The following EYA4 variants were observed in gnomAD, a reference collection of about 807,000 sequenced individuals.
The protein encoded by EYA4 is EYA transcriptional coactivator and phosphatase 4.
In EYA4, 31 loss-of-function variants were observed where a neutral mutation model predicts 87.9. The observed-to-expected ratio is 0.35, with a 90% CI of 0.27 to 0.48. The LOEUF (loss-of-function observed/expected upper bound fraction) is 0.48. EYA4 is among the 20% of genes least tolerant of loss of function. The pLI is 0.99. For missense variants in EYA4, 678 were observed against 761.4 expected, an observed-to-expected ratio of 0.89 and a Z score of 1.29; for synonymous variants, 263 against 270.6, an observed-to-expected ratio of 0.97 and a Z score of 0.28.
At chr6:133,400,166 T>C (rs557409522) in intron 3 of EYA4, among the ~76,000 whole-genome samples, 1 of 152,344 alleles carries the variant, frequency 6.6e-6, no homozygotes, top group East Asian at 1.9e-4. Flanking sequence ...ACATATTATG[T>C]GCAAAACAAC....
At chr6:133,395,676 G>T (rs187002862) in intron 3 of EYA4, among the ~76,000 whole-genome samples, 1 of 152,326 alleles carries the variant, frequency 6.6e-6, no homozygotes, top group South Asian at 2.1e-4. Context: ...CAGAAGAATC[G>T]CTTGAACCCG....
intron 2 of EYA4, among the ~76,000 whole-genome samples, chr6:133,380,875 C>T (rs376378713): frequency 2.0e-5 from 3 of 146,498 alleles, no homozygotes; most frequent in Admixed American, 6.8e-5. Context: ...CCTCCTCCTC[C>T]TCTTCTTCTT....
chr6:133,285,609 A>G (rs372467003), intron 2 of EYA4, among the ~76,000 whole-genome samples: 1 of 152,152 alleles, frequency 6.6e-6, no homozygotes, highest in Admixed American at 6.5e-5. Context: ...GAGCTTAGGT[A>G]TTGTGTGATG....
intron 2 of EYA4, among the ~76,000 whole-genome samples, chr6:133,321,760 T>A (rs1781107092): frequency 6.6e-6 from 1 of 152,188 alleles, no homozygotes; most frequent in South Asian, 2.1e-4. Flanking sequence ...CACAGCATCT[T>A]TTCACATTAG....
At chr6:133,486,047 T>A (rs1413837968) in intron 13 of EYA4, among the ~76,000 whole-genome samples, 1 of 152,238 alleles carries the variant, frequency 6.6e-6, no homozygotes, top group African/African-American at 2.4e-5. Context: ...AAAATGGGAA[T>A]AACACCATCT....
chr6:133,260,623 T>C (rs1158567892), intron 1 of EYA4, among the ~76,000 whole-genome samples: 1 of 152,240 alleles, frequency 6.6e-6, no homozygotes, highest in African/African-American at 2.4e-5. Flanking sequence ...AGTCTAGGGA[T>C]TTCAAACCTC....
Position 133,259,964 on chromosome 6 carries a change from A to G in EYA4, c.-65-14752A>G, listed in dbSNP as rs138271386. 2.7e-3 allele frequency among the ~76,000 whole-genome samples: 413 copies of G among 152,274 alleles called. 2 individuals carry two copies. The highest frequency in any genetic ancestry group is 9.5e-3 in the African/African-American group (396 of 41,556). On this transcript the variant is annotated intron_variant, in intron 1 of 19. Transcript: ENST00000355286. ...AGATTTACCTTGTAGTTCATAAATT[A>G]TTTCTTTAGATGTATCTAATTTGCT...
Position 133,531,164 on chromosome 6 carries a change from C to T in EYA4, c.*2359C>T, listed in dbSNP as rs547907467. Reference sequence around the variant, plus strand: ...GAGAAGCCGGCTGGTTGCATCACCCCGTGCAGTTTCTCACACACATCTCTT... The same window carrying T: ...GAGAAGCCGGCTGGTTGCATCACCCTGTGCAGTTTCTCACACACATCTCTT... On this transcript the variant is annotated 3_prime_UTR_variant, in exon 20 of 20. Coordinates refer to ENST00000355286, the MANE Select transcript of EYA4 (RefSeq NM_004100.5). 1.6e-4 allele frequency: 239 copies of T among 1,534,212 alleles called. 2 individuals are homozygous for T. The South Asian group carries it at 2.3e-3, about 15-fold the overall frequency.
intron 3 of EYA4, among the ~76,000 whole-genome samples, chr6:133,442,823 A>G (rs1264767887): frequency 1.3e-5 from 2 of 152,018 alleles, no homozygotes; most frequent in Admixed American, 6.5e-5. Flanking sequence ...CAGAGGAAAA[A>G]TACTTCTTTT....
intron 3 of EYA4, among the ~76,000 whole-genome samples, chr6:133,407,196 C>T (rs1247596228): frequency 2.0e-5 from 3 of 150,306 alleles, no homozygotes; most frequent in East Asian, 1.9e-4. Flanking sequence ...AGTTTATCAA[C>T]CACTTGTTAT....
chr6:133,312,907 T>C (rs1780341826), intron 2 of EYA4, among the ~76,000 whole-genome samples: 1 of 152,192 alleles, frequency 6.6e-6, no homozygotes, highest in Non-Finnish European at 1.5e-5. Context: ...TCCATTTCCC[T>C]GTAGCACTGA....
chr6:133,501,052 G>A (rs1166553740), intron 13 of EYA4, among the ~76,000 whole-genome samples: 1 of 151,940 alleles, frequency 6.6e-6, no homozygotes, highest in African/African-American at 2.4e-5. Context: ...CTCACACACA[G>A]ACTCCTCACC....
At chr6:133,517,163 A>T (rs1474533457) in intron 17 of EYA4, among the ~76,000 whole-genome samples, 2 of 152,260 alleles carry the variant, frequency 1.3e-5, no homozygotes, top group South Asian at 2.1e-4. Context: ...TACAAGTGAG[A>T]GCTAAATGAT....
chr6:133,363,822 A>G (rs929426822), intron 2 of EYA4, among the ~76,000 whole-genome samples: 1 of 152,192 alleles, frequency 6.6e-6, no homozygotes, highest in Non-Finnish European at 1.5e-5. Flanking sequence ...GGGTCCAGTC[A>G]TACTCATTGA....
intron 5 of EYA4, among the ~76,000 whole-genome samples, chr6:133,452,551 T>C (rs1421029946): frequency 6.6e-6 from 1 of 152,100 alleles, no homozygotes; most frequent in African/African-American, 2.4e-5. Context: ...TGTATGGCAG[T>C]AGGGATGAAG....
chr6:133,404,450 T>C (rs1417043254), intron 3 of EYA4, among the ~76,000 whole-genome samples: 1 of 152,214 alleles, frequency 6.6e-6, no homozygotes, highest in Non-Finnish European at 1.5e-5. Context: ...GACAAGTAGC[T>C]ACTCCTAGTT....
intron 10 of EYA4, 41 bp downstream of exon 10, chr6:133,464,899 C>T: frequency 7.2e-7 from 1 of 1,393,302 alleles, no homozygotes. Context: ...ATATGTATTT[C>T]AGATTTTTGA....
chr6:133,335,766 G>A (rs186646721), intron 2 of EYA4, among the ~76,000 whole-genome samples: 1 of 152,252 alleles, frequency 6.6e-6, no homozygotes, highest in Non-Finnish European at 1.5e-5. Flanking sequence ...AAGCATTTGG[G>A]TGCAGTAAAG....
intron 3 of EYA4, among the ~76,000 whole-genome samples, chr6:133,404,638 G>A (rs296422): frequency 0.53 from 81,148 of 152,144 alleles, 26,694 homozygotes; most frequent in Non-Finnish European, 0.73. Flanking sequence ...AGCAATTCCA[G>A]TTGTTGGCTT....
Sources: allele counts gnomAD v4.1 joint callset (sites outside exome capture counted in the v4.1 genomes callset), GRCh38; gene constraint gnomAD v4.1.1; transcripts MANE v1.5; gene names NCBI Gene and HGNC (gene_info 2026-07-23, HGNC 2026-07-21).